Variants in CNBD1 observed in about 807,000 individuals in gnomAD.
CNBD1 encodes the protein cyclic nucleotide binding domain containing 1.
CNBD1 carries 71 observed loss-of-function variants against 54.4 expected under a neutral mutation model. The observed-to-expected ratio is 1.30, with a 90% confidence interval of 1.08 to 1.59. The LOEUF (loss-of-function observed/expected upper bound fraction) is 1.59. Among genes scored for constraint, CNBD1 ranks in the 40% most tolerant of loss-of-function variants. The probability of loss-of-function intolerance (pLI) is 0.00; values close to 1 mark genes in which losing one functional copy is unlikely to be tolerated. For missense variants in CNBD1, 659 were observed against 518.0 expected (o/e 1.27, Z -2.64); for synonymous variants, 182 against 170.7 (o/e 1.07, Z -0.51).
At chr8:87,219,962 T>C (rs1297428821) in intron 5 of CNBD1, among the ~76,000 whole-genome samples, 3 of 152,016 alleles carry the variant, frequency 2.0e-5, no homozygotes, top group Non-Finnish European at 2.9e-5. Flanking sequence ...TAAAAAATAA[T>C]AGGCAATAAA....
intron 4 of CNBD1, among the ~76,000 whole-genome samples, chr8:87,203,989 GT>G (rs925142516): frequency 2.3e-4 from 35 of 152,238 alleles, no homozygotes; most frequent in African/African-American, 8.4e-4. Context: ...CCTTAGATCT[GT>G]TTTTTGGGAG....
intron 6 of CNBD1, among the ~76,000 whole-genome samples, chr8:87,257,387 G>GAAAAAAAAAAAA (rs1554573274): frequency 2.8e-5 from 3 of 107,008 alleles, no homozygotes; most frequent in African/African-American, 4.1e-5. Context: ...AAAAAAAAAG[G>GAAAAAAAAAAAA]AAATGACAAT....
chr8:87,286,415 G>A (rs889697198), intron 7 of CNBD1, 124 bp from the exon 8 acceptor site: 5 of 585,698 alleles, frequency 8.5e-6, no homozygotes, highest in Admixed American at 3.1e-5. Context: ...AAATTCAAAT[G>A]TATTCTATAC....
At chr8:86,899,469 A>G (rs939547679) in intron 2 of CNBD1, among the ~76,000 whole-genome samples, 5 of 152,172 alleles carry the variant, frequency 3.3e-5, no homozygotes, top group African/African-American at 9.7e-5. Context: ...AAATTTAAAG[A>G]TACTAAAAAT....
At chr8:87,428,563 A>C (rs538576373) in exon 3 of CNBD1, 50 of 453,948 alleles carry the variant, frequency 1.1e-4, no homozygotes, top group Middle Eastern at 3.3e-4. Context: ...CCCAGTGACC[A>C]AGCAACTTAT....
chr8:87,013,648 T>C (rs1366689472), intron 4 of CNBD1, among the ~76,000 whole-genome samples: 1 of 151,580 alleles, frequency 6.6e-6, no homozygotes, highest in East Asian at 1.9e-4. Context: ...TGTTTTTTTT[T>C]TGCAAGCCAG....
At position 87,376,254 on chromosome 8, in the gene CNBD1, C is replaced by A. The variant is rs1810932023; in HGVS notation, c.1304-6366C>A. On this transcript the variant is annotated intron_variant, in intron 10 of 10. Coordinates refer to ENST00000518476, the MANE Select transcript of CNBD1 (RefSeq NM_173538.3). ...AAGAAATCCAAGATCAAGTCCCTGG[C>A]TGATCTGGTGTCTGGTGAGGGTACA... Among the ~76,000 whole-genome samples the A allele has an allele frequency of 2.0e-5, 3 of 151,820 alleles. No homozygotes were observed. In the South Asian group the frequency reaches 6.2e-4, roughly 31 times the overall value.
intron 1 of CNBD1, 132 bp from the exon 2 acceptor site, chr8:86,887,410 A>C: frequency 1.7e-6 from 1 of 584,426 alleles, no homozygotes. Flanking sequence ...TTAAACAAAG[A>C]CTGTTAATAC....
chr8:87,143,064 G>T (rs1405160307), intron 4 of CNBD1, among the ~76,000 whole-genome samples: 2 of 152,050 alleles, frequency 1.3e-5, no homozygotes, highest in Non-Finnish European at 2.9e-5. Context: ...AATTACTTGG[G>T]TACCTTGTTT....
chr8:86,902,733 T>C (rs942707990), intron 2 of CNBD1, among the ~76,000 whole-genome samples: 1 of 152,042 alleles, frequency 6.6e-6, no homozygotes, highest in Non-Finnish European at 1.5e-5. Flanking sequence ...ACTCATAGCC[T>C]GGTAAATCAC....
intron 6 of CNBD1, among the ~76,000 whole-genome samples, chr8:87,243,998 T>G (rs1011908478): frequency 6.6e-6 from 1 of 152,070 alleles, no homozygotes; most frequent in Non-Finnish European, 1.5e-5. Context: ...TTGAGACAGG[T>G]CTCAGTTAAT....
intron 2 of CNBD1, among the ~76,000 whole-genome samples, chr8:87,418,695 A>G (rs889084983): frequency 2.0e-5 from 3 of 151,944 alleles, no homozygotes; most frequent in East Asian, 1.9e-4. Flanking sequence ...AAAAATAGAC[A>G]AATGATTTAA....
chr8:87,183,447 C>T (rs1375224573), intron 4 of CNBD1, among the ~76,000 whole-genome samples: 3 of 137,586 alleles, frequency 2.2e-5, no homozygotes, highest in Non-Finnish European at 4.7e-5. Context: ...TATTGTTTTA[C>T]CACTTTCTTT....
chr8:87,331,391 C>T (rs1178990490), intron 8 of CNBD1, among the ~76,000 whole-genome samples: 1 of 152,160 alleles, frequency 6.6e-6, no homozygotes, highest in African/African-American at 2.4e-5. Context: ...AGGACATGAT[C>T]TCATTCCTTT....
intron 2 of CNBD1, among the ~76,000 whole-genome samples, chr8:87,417,077 A>G (rs1014482996): frequency 1.3e-5 from 2 of 152,036 alleles, no homozygotes; most frequent in Non-Finnish European, 2.9e-5. Flanking sequence ...GTCTGTTCTC[A>G]TGCGTTTAAG....
intron 8 of CNBD1, among the ~76,000 whole-genome samples, chr8:87,310,054 A>C (rs1198340028): frequency 6.6e-6 from 1 of 152,128 alleles, no homozygotes; most frequent in Non-Finnish European, 1.5e-5. Flanking sequence ...GCTGAGAACC[A>C]AATCAAGAAT....
At chr8:86,900,714 T>C (rs1808919313) in intron 2 of CNBD1, among the ~76,000 whole-genome samples, 1 of 152,146 alleles carries the variant, frequency 6.6e-6, no homozygotes, top group Non-Finnish European at 1.5e-5. Flanking sequence ...TCATATAAGG[T>C]TACAGGACTT....
At position 87,145,981 on chromosome 8, in the gene CNBD1, A is replaced by G. The variant is rs552787626; in HGVS notation, c.432-60012A>G. On this transcript the variant is annotated intron_variant, in intron 4 of 10. Transcript: ENST00000518476. ...AAATATTGGTTGTATTTTATATCTC[A>G]GGATAAAAATTTAGAGATTAGGACT... Among the ~76,000 whole-genome samples the G allele has an allele frequency of 2.9e-3, 439 of 152,302 alleles. 1 individual carries two copies. Among genetic ancestry groups the G allele is most frequent in the African/African-American group, 0.01 (425 of 41,570 alleles).
intron 4 of CNBD1, among the ~76,000 whole-genome samples, chr8:86,980,399 C>T (rs527618686): frequency 6.6e-6 from 1 of 152,192 alleles, no homozygotes; most frequent in Non-Finnish European, 1.5e-5. Context: ...CACATTTATC[C>T]ACTTCCTTAG....
Sources: gnomAD v4.1 joint callset for allele counts (sites outside exome capture counted in the v4.1 genomes callset) on GRCh38, gnomAD v4.1.1 for gene constraint, MANE v1.5 for transcripts, NCBI Gene and HGNC (gene_info 2026-07-23, HGNC 2026-07-21) for gene names.